Variants in TIAM1 observed in about 807,000 individuals in gnomAD.
TIAM1 encodes rho guanine nucleotide exchange factor TIAM1.
Under a neutral mutation model 163.5 loss-of-function variants are expected in TIAM1, and 65 were observed. The observed-to-expected ratio is 0.40, with a 90% confidence interval of 0.33 to 0.49. TIAM1 has a LOEUF of 0.49. Among genes scored for constraint, TIAM1 ranks in the 20% least tolerant of loss-of-function variants. The probability of loss-of-function intolerance (pLI) is 0.77; values close to 1 mark genes in which losing one functional copy is unlikely to be tolerated. For synonymous variants in TIAM1, 833 were observed against 810.1 expected (o/e 1.03, Z -0.48); for missense variants, 1,789 against 2,044.7 (o/e 0.87, Z 2.41).
At chr21:31,502,731 C>T (rs577697881) in intron 1 of TIAM1, among the ~76,000 whole-genome samples, 4 of 152,306 alleles carry the variant, frequency 2.6e-5, no homozygotes, top group African/African-American at 7.2e-5. Context: ...TAAAGCATTT[C>T]GTAGTTTCCC....
intron 4 of TIAM1, among the ~76,000 whole-genome samples, chr21:31,261,712 C>CA (rs34427390): frequency 0.36 from 54,816 of 151,566 alleles, 9,973 homozygotes; most frequent in East Asian, 0.42. Context: ...GACTCCGTCT[C>CA]AAAAAAAAGA....
At chr21:31,521,656 G>A (rs959400714) in intron 1 of TIAM1, among the ~76,000 whole-genome samples, 1 of 151,968 alleles carries the variant, frequency 6.6e-6, no homozygotes, top group African/African-American at 2.4e-5. Context: ...AGGATTGCTT[G>A]AGCCCGGGAG....
chr21:31,467,499 G>A (rs2045575134), intron 1 of TIAM1, among the ~76,000 whole-genome samples: 1 of 151,874 alleles, frequency 6.6e-6, no homozygotes, highest in African/African-American at 2.4e-5. Flanking sequence ...GGCGACACAT[G>A]CCTATAATCC....
At chr21:31,174,754 T>C (rs2084685105) in intron 15 of TIAM1, among the ~76,000 whole-genome samples, 1 of 152,182 alleles carries the variant, frequency 6.6e-6, no homozygotes, top group Admixed American at 6.5e-5. Flanking sequence ...TTCAAGCAAT[T>C]CTCCTGCCTC....
upstream of TIAM1, among the ~76,000 whole-genome samples, chr21:31,346,495 A>G (rs2076150267): frequency 6.6e-6 from 1 of 152,288 alleles, no homozygotes; most frequent in East Asian, 1.9e-4. Flanking sequence ...CTGGATGAAA[A>G]CAATCATGAA....
intron 13 of TIAM1, 56 bp downstream of exon 13, chr21:31,195,168 A>G: frequency 4.3e-6 from 6 of 1,397,072 alleles, no homozygotes; most frequent in Non-Finnish European, 6.1e-6. Flanking sequence ...AAATAAATGC[A>G]TGCTTACATA....
At chr21:31,468,592 CG>C (rs2045619053) in intron 1 of TIAM1, among the ~76,000 whole-genome samples, 1 of 151,648 alleles carries the variant, frequency 6.6e-6, no homozygotes, top group Non-Finnish European at 1.5e-5. Flanking sequence ...CTAGCTAACA[CG>C]GTGAAACCCG....
At chr21:31,397,763 C>A (rs1333825220) in intron 2 of TIAM1, among the ~76,000 whole-genome samples, 1 of 152,162 alleles carries the variant, frequency 6.6e-6, no homozygotes, top group African/African-American at 2.4e-5. Context: ...TCATTCCATT[C>A]CAGAAGTCAG....
chr21:31,340,964 A>G (rs1442254650), intron 1 of TIAM1, among the ~76,000 whole-genome samples: 2 of 152,128 alleles, frequency 1.3e-5, no homozygotes, highest in African/African-American at 4.8e-5. Context: ...AATACTGAAA[A>G]TATGGAACTT....
At chr21:31,460,921 A>G (rs2045301806) in intron 2 of TIAM1, among the ~76,000 whole-genome samples, 1 of 152,214 alleles carries the variant, frequency 6.6e-6, no homozygotes, top group South Asian at 2.1e-4. Context: ...TTTTTTTTAC[A>G]TAAAGAATTC....
At chr21:31,521,398 G>A (rs11701155) in intron 1 of TIAM1, among the ~76,000 whole-genome samples, 30 of 152,126 alleles carry the variant, frequency 2.0e-4, no homozygotes, top group Non-Finnish European at 3.8e-4. Flanking sequence ...TATCCTTAGA[G>A]CACTGATATT....
chr21:31,228,249 A>ATCTG (rs2088169379), intron 6 of TIAM1, among the ~76,000 whole-genome samples: 3 of 138,358 alleles, frequency 2.2e-5, no homozygotes, highest in Admixed American at 7.0e-5. Flanking sequence ...AAAAAAAAAA[A>ATCTG]AAAAAAAAAA....
At chr21:31,519,957 T>C (rs1194753545) in intron 1 of TIAM1, among the ~76,000 whole-genome samples, 3 of 152,152 alleles carry the variant, frequency 2.0e-5, no homozygotes, top group Non-Finnish European at 4.4e-5. Flanking sequence ...TTTGGGAAGA[T>C]GAAAAGTTCT....
chr21:31,175,645 C>G (rs577509748), intron 15 of TIAM1, among the ~76,000 whole-genome samples: 2 of 152,066 alleles, frequency 1.3e-5, no homozygotes, highest in African/African-American at 4.8e-5. Flanking sequence ...GTCGCCCAGG[C>G]TGGAATGCAA....
At chr21:31,530,664 C>T (rs1013490253) in intron 1 of TIAM1, among the ~76,000 whole-genome samples, 7 of 152,184 alleles carry the variant, frequency 4.6e-5, no homozygotes, top group African/African-American at 1.7e-4. Flanking sequence ...AAGCAAGGCG[C>T]CTTCTGATCC....
intron 16 of TIAM1, among the ~76,000 whole-genome samples, chr21:31,160,294 A>G (rs1161839749): frequency 1.3e-5 from 2 of 152,238 alleles, no homozygotes; most frequent in Non-Finnish European, 2.9e-5. Flanking sequence ...TACAGACTTT[A>G]TGAACAAGGG....
chr21:31,153,712 C>CAT (rs10547949), intron 17 of TIAM1, among the ~76,000 whole-genome samples: 64,631 of 150,048 alleles, frequency 0.43, 13,937 homozygotes, highest in South Asian at 0.54. Context: ...ACAACACATA[C>CAT]ATATATATAT....
At position 31,491,124 on chromosome 21, in the gene TIAM1, C is replaced by T. The variant is rs1309170157; in HGVS notation, c.-421-27089G>A. On this transcript the variant is annotated intron_variant, in intron 1 of 28. Transcript: ENST00000286827. ...CCAACCTGGCTACACAGTGAAATTCCGTCGAAAGAAAGAAAGAACGAAAGA... is the reference window on the plus strand; with the variant it reads ...CCAACCTGGCTACACAGTGAAATTCTGTCGAAAGAAAGAAAGAACGAAAGA... Among the ~76,000 whole-genome samples, 6 of 151,572 alleles carry T rather than the reference C, an allele frequency of 4.0e-5. No homozygotes were observed. In the South Asian group the frequency reaches 6.3e-4, roughly 16 times the overall value.
At chr21:31,317,791 C>CA (rs2075179158) in intron 2 of TIAM1, among the ~76,000 whole-genome samples, 1 of 152,018 alleles carries the variant, frequency 6.6e-6, no homozygotes, top group Non-Finnish European at 1.5e-5. Context: ...AAAAAAACCC[C>CA]AAAAAACAAA....
Sources: allele counts gnomAD v4.1 joint callset (sites outside exome capture counted in the v4.1 genomes callset), GRCh38; gene constraint gnomAD v4.1.1; transcripts MANE v1.5; gene names NCBI Gene and HGNC (gene_info 2026-07-23, HGNC 2026-07-21).